Variants in SPRED1 observed in about 807,000 individuals in gnomAD.
SPRED1 encodes sprouty related EVH1 domain containing 1.
A neutral mutation model predicts 52.3 loss-of-function variants in SPRED1; 18 were observed. That is an observed-to-expected ratio of 0.34 (90% confidence interval 0.24 to 0.51). SPRED1 has a LOEUF of 0.51. Ranked by LOEUF, SPRED1 falls within the 20% of genes least tolerant of loss-of-function variation. The pLI, the probability that SPRED1 is intolerant of heterozygous loss-of-function variation, is 0.97. For missense variants in SPRED1, 485 were observed against 551.0 expected (o/e 0.88, Z 1.20); for synonymous variants, 155 against 179.7 (o/e 0.86, Z 1.10).
chr15:38,309,197 G>A (rs1008452263), intron 2 of SPRED1, among the ~76,000 whole-genome samples: 1 of 152,164 alleles, frequency 6.6e-6, no homozygotes, highest in Non-Finnish European at 1.5e-5. Context: ...TTCTAGTGCA[G>A]TGGCGTGATC....
chr15:38,347,044 T>A (rs1253365845), intron 5 of SPRED1, among the ~76,000 whole-genome samples: 1 of 152,190 alleles, frequency 6.6e-6, no homozygotes, highest in Admixed American at 6.6e-5. Context: ...TTTTTCACTC[T>A]TTGTGGTGTT....
chr15:38,322,155 G>T, intron 2 of SPRED1, 86 bp from the exon 3 acceptor site: 1 of 1,290,716 alleles, frequency 7.7e-7, no homozygotes, highest in East Asian at 2.3e-5. Flanking sequence ...AAGTAATAGC[G>T]TTGTATCACC....
chr15:38,341,191 TA>T (rs1190087319), intron 5 of SPRED1, among the ~76,000 whole-genome samples: 1 of 152,008 alleles, frequency 6.6e-6, no homozygotes, highest in African/African-American at 2.4e-5. Context: ...ATACTGAAAA[TA>T]AGTGCCTTCT....
intron 4 of SPRED1, among the ~76,000 whole-genome samples, chr15:38,325,448 G>T (rs1023802332): frequency 2.7e-5 from 4 of 150,384 alleles, no homozygotes; most frequent in African/African-American, 9.7e-5. Flanking sequence ...AAAGTTTCTG[G>T]GGTTTTTTTT....
chr15:38,304,720 C>G (rs775836857), intron 2 of SPRED1, among the ~76,000 whole-genome samples: 2 of 152,242 alleles, frequency 1.3e-5, no homozygotes, highest in South Asian at 4.2e-4. Flanking sequence ...TTTCCTGGAT[C>G]TCGTTGTTAC....
intron 1 of SPRED1, among the ~76,000 whole-genome samples, chr15:38,278,594 C>T (rs1041741301): frequency 6.6e-6 from 1 of 152,118 alleles, no homozygotes; most frequent in Admixed American, 6.5e-5. Flanking sequence ...GACCCCTGAC[C>T]AAATACCAGA....
chr15:38,273,291 A>G (rs1024816454), intron 1 of SPRED1, among the ~76,000 whole-genome samples: 2 of 152,136 alleles, frequency 1.3e-5, no homozygotes, highest in African/African-American at 4.8e-5. Context: ...TTTTGAAGAA[A>G]CATCTTTATG....
intron 4 of SPRED1, among the ~76,000 whole-genome samples, chr15:38,330,546 T>A (rs1157114854): frequency 1.3e-5 from 2 of 152,164 alleles, no homozygotes; most frequent in East Asian, 3.9e-4. Context: ...TTAGAGTAAT[T>A]TTTTTCCTTT....
chr15:38,255,093 T>C (rs1260729487), intron 1 of SPRED1, among the ~76,000 whole-genome samples: 1 of 152,202 alleles, frequency 6.6e-6, no homozygotes, highest in Non-Finnish European at 1.5e-5. Flanking sequence ...AAATATATTT[T>C]TTCTAAATGG....
At chr15:38,263,873 G>A (rs1056359531) in intron 1 of SPRED1, among the ~76,000 whole-genome samples, 6 of 152,180 alleles carry the variant, frequency 3.9e-5, no homozygotes, top group Non-Finnish European at 8.8e-5. Flanking sequence ...AATTTGGGTT[G>A]GGCTGCATTC....
intron 2 of SPRED1, among the ~76,000 whole-genome samples, chr15:38,308,498 C>A (rs1464762056): frequency 6.6e-6 from 1 of 152,224 alleles, no homozygotes; most frequent in Non-Finnish European, 1.5e-5. Context: ...ATCACCACAT[C>A]TATTTCCGTT....
intron 5 of SPRED1, among the ~76,000 whole-genome samples, chr15:38,346,286 C>T (rs1336010986): frequency 6.8e-6 from 1 of 147,258 alleles, no homozygotes; most frequent in East Asian, 2.1e-4. Context: ...TTGCACCCAA[C>T]CTGGGTGATA....
intron 3 of SPRED1, 124 bp downstream of exon 3, chr15:38,322,533 C>A: frequency 1.1e-6 from 1 of 934,580 alleles, no homozygotes; most frequent in Non-Finnish European, 1.7e-6. Flanking sequence ...GATATGTGAC[C>A]AGGCTTTGAA....
chr15:38,271,181 A>G (rs1448783248), intron 1 of SPRED1, among the ~76,000 whole-genome samples: 1 of 152,236 alleles, frequency 6.6e-6, no homozygotes, highest in Non-Finnish European at 1.5e-5. Flanking sequence ...GTCAGATGTT[A>G]AAGTGTTTAG....
chr15:38,354,592 G>A lies in SPRED1; in HGVS notation c.*2928G>A, dbSNP rs972688003. 6.6e-6 allele frequency: 1 copy of A among 152,154 alleles called. No homozygotes were observed. The highest frequency in any genetic ancestry group is 1.5e-5 in the Non-Finnish European group (1 of 68,026). 9.4% of individuals were successfully genotyped at this position (152,154 alleles called of 1,614,324 possible). On this transcript the variant is annotated 3_prime_UTR_variant, in exon 7 of 7. Coordinates refer to ENST00000299084, the MANE Select transcript of SPRED1 (RefSeq NM_152594.3). The stretch of plus-strand genomic sequence containing the variant: ...GGGTTCATCACTACTACCATTAAAG[G>A]GCTATTTATGTGGTGACCACCTCTA...
chr15:38,323,860 C>T (rs1895653122), intron 3 of SPRED1, among the ~76,000 whole-genome samples: 1 of 152,032 alleles, frequency 6.6e-6, no homozygotes, highest in Non-Finnish European at 1.5e-5. Flanking sequence ...TGCTCATGTA[C>T]CATAACAGTA....
In SPRED1 at chr15:38,285,294, A is replaced by G. The variant is rs374610211; in HGVS notation, c.33-14079A>G. 2.0e-5 allele frequency among the ~76,000 whole-genome samples: 3 copies of G among 152,234 alleles called. No individual in the cohort carries two copies. In the East Asian group the frequency reaches 5.8e-4, roughly 29 times the overall value. On this transcript the variant is annotated intron_variant, in intron 1 of 6. Transcript: ENST00000299084. ...AACAAAGATCTTTGAGTTTTTATGT[A>G]GGTGTGAGAGAGATCACAGAAGATA...
Position 38,351,797 on chromosome 15 carries a change from C to T in SPRED1, c.*133C>T, listed in dbSNP as rs1228147902. 2.7e-6 allele frequency: 3 copies of T among 1,119,208 alleles called. No individual in the cohort carries two copies. Among genetic ancestry groups the T allele is most frequent in the African/African-American group, 3.1e-5 (2 of 64,558 alleles). The allele number at this position is 1,119,208 out of a possible 1,614,324, so 69.3% of individuals were successfully genotyped here. On this transcript the variant is annotated 3_prime_UTR_variant, in exon 7 of 7. Coordinates refer to ENST00000299084, the MANE Select transcript of SPRED1 (RefSeq NM_152594.3). ...GAGCCCACACATGGAGGAAGCAGAA[C>T]TCATCAGTTCTTGGCGTTTCACGCC...
intron 1 of SPRED1, among the ~76,000 whole-genome samples, chr15:38,269,231 C>G (rs1263281379): frequency 6.6e-6 from 1 of 152,036 alleles, no homozygotes; most frequent in Non-Finnish European, 1.5e-5. Context: ...CGTGAGCCAC[C>G]GCACCCAGCC....
Sources: allele counts gnomAD v4.1 joint callset (sites outside exome capture counted in the v4.1 genomes callset), GRCh38; gene constraint gnomAD v4.1.1; transcripts MANE v1.5; gene names NCBI Gene and HGNC (gene_info 2026-07-23, HGNC 2026-07-21).